GRIA4: variants seen among roughly 807,000 people sequenced by gnomAD.
GRIA4 encodes glutamate ionotropic receptor AMPA type subunit 4, also known as glutamate receptor 4.
GRIA4 carries 34 observed loss-of-function variants against 104.0 expected under a neutral mutation model. That is an observed-to-expected ratio of 0.33 (90% confidence interval 0.25 to 0.44). The LOEUF is 0.44. Ranked by LOEUF, GRIA4 falls within the 20% of genes least tolerant of loss-of-function variation. The probability of loss-of-function intolerance (pLI) is 1.00; values close to 1 mark genes in which losing one functional copy is unlikely to be tolerated. For synonymous variants in GRIA4, 386 were observed against 381.9 expected, an observed-to-expected ratio of 1.01 and a Z score of -0.13; for missense variants, 750 against 1,096.5, an observed-to-expected ratio of 0.68 and a Z score of 4.46.
At chr11:105,708,798 G>A (rs1953802447) in intron 3 of GRIA4, among the ~76,000 whole-genome samples, 1 of 151,842 alleles carries the variant, frequency 6.6e-6, no homozygotes, top group South Asian at 2.1e-4. Flanking sequence ...TCCTGTGTTG[G>A]GTTGAAATAA....
At chr11:105,755,240 A>G (rs1397253702) in intron 4 of GRIA4, among the ~76,000 whole-genome samples, 3 of 152,034 alleles carry the variant, frequency 2.0e-5, no homozygotes, top group Non-Finnish European at 2.9e-5. Flanking sequence ...ACTGCCTTTA[A>G]TCCTCTTGCA....
At chr11:105,890,056 A>C (rs980175304) in intron 6 of GRIA4, among the ~76,000 whole-genome samples, 1 of 152,190 alleles carries the variant, frequency 6.6e-6, no homozygotes, top group African/African-American at 2.4e-5. Flanking sequence ...CAGAATATTT[A>C]AAATATTCTG....
At chr11:105,818,198 C>T (rs1217834752) in intron 4 of GRIA4, among the ~76,000 whole-genome samples, 1 of 151,940 alleles carries the variant, frequency 6.6e-6, no homozygotes, top group African/African-American at 2.4e-5. Flanking sequence ...TAAATTGAGT[C>T]CCAAGTGTTG....
At chr11:105,811,395 C>T (rs1025731829) in intron 4 of GRIA4, among the ~76,000 whole-genome samples, 10 of 152,102 alleles carry the variant, frequency 6.6e-5, no homozygotes, top group Non-Finnish European at 1.2e-4. Context: ...CCCCATCTCC[C>T]ACATTCTTTT....
At chr11:105,704,161 C>G (rs1458510893) in intron 3 of GRIA4, among the ~76,000 whole-genome samples, 1 of 152,026 alleles carries the variant, frequency 6.6e-6, no homozygotes, top group Non-Finnish European at 1.5e-5. Context: ...CCCATTCTCC[C>G]ATGCTGCTTG....
intron 10 of GRIA4, among the ~76,000 whole-genome samples, chr11:105,915,859 G>A (rs1256309622): frequency 1.3e-5 from 2 of 152,084 alleles, no homozygotes; most frequent in African/African-American, 4.8e-5. Flanking sequence ...TCTGATAAAT[G>A]AAATAGCTTC....
At chr11:105,733,387 G>A (rs1035723570) in intron 3 of GRIA4, among the ~76,000 whole-genome samples, 2 of 152,132 alleles carry the variant, frequency 1.3e-5, no homozygotes, top group Non-Finnish European at 2.9e-5. Context: ...ATTGTTGGGA[G>A]ATTTTTGTAT....
chr11:105,794,469 G>GTATATATA (rs1200611859), intron 4 of GRIA4, among the ~76,000 whole-genome samples: 808 of 40,516 alleles, frequency 0.02, 127 homozygotes, highest in South Asian at 0.028. Context: ...GTGTGTATAT[G>GTATATATA]TATGTATATA....
At chr11:105,857,883 C>T (rs895713138) in intron 4 of GRIA4, among the ~76,000 whole-genome samples, 1 of 152,094 alleles carries the variant, frequency 6.6e-6, no homozygotes, top group Non-Finnish European at 1.5e-5. Context: ...TTAAATAACT[C>T]TTGCAAACAA....
chr11:105,904,831 C>A (rs1295473889), intron 8 of GRIA4, among the ~76,000 whole-genome samples: 2 of 152,002 alleles, frequency 1.3e-5, no homozygotes, highest in Admixed American at 1.3e-4. Flanking sequence ...GCATAAGTAT[C>A]AGGGTTATTT....
At chr11:105,942,538 GTATAA>G (rs1948208426) in intron 14 of GRIA4, among the ~76,000 whole-genome samples, 1 of 152,176 alleles carries the variant, frequency 6.6e-6, no homozygotes, top group East Asian at 1.9e-4. Context: ...GGAAGGAACT[GTATAA>G]TACACTTACG....
At position 105,815,056 on chromosome 11, in the gene GRIA4, A is replaced by T. The variant is rs74617656; in HGVS notation, c.488-46968A>T. Among the ~76,000 whole-genome samples the T allele has an allele frequency of 3.8e-3, 581 of 152,284 alleles. 3 individuals are homozygous for T. The highest frequency in any genetic ancestry group is 6.7e-3 in the Non-Finnish European group (453 of 68,014). On this transcript the variant is annotated intron_variant, in intron 4 of 16. Transcript: ENST00000282499. ...AGACTGTTGCTTTCCTAGAGTGGAA[A>T]TGCAGATAAGTTGAGTCTAGGGCTA... is the stretch of plus-strand genomic sequence containing the variant.
rs563514726 is a variant in GRIA4 at position 105,965,121 on chromosome 11, T to G, written c.2295-6793T>G. Among the ~76,000 whole-genome samples, 3 of 152,058 alleles carry G rather than the reference T, an allele frequency of 2.0e-5. No homozygotes were observed. The South Asian group carries it at 6.2e-4, about 32-fold the overall frequency. ...CGCACCTGGCCCATGACACTATTTT[T>G]TAATCCTCCTAAAGAATAGCCAAAA... On this transcript the variant is annotated intron_variant, in intron 14 of 16. Transcript: ENST00000282499.
At chr11:105,919,497 A>T (rs1203805717) in intron 11 of GRIA4, among the ~76,000 whole-genome samples, 1 of 152,188 alleles carries the variant, frequency 6.6e-6, no homozygotes, top group Non-Finnish European at 1.5e-5. Flanking sequence ...ATAATAGTAT[A>T]CATAGCAAAA....
Position 105,910,116 on chromosome 11 carries a change from C to T in GRIA4, c.1159-319C>T, listed in dbSNP as rs1947178457. Among the ~76,000 whole-genome samples, 3 of 152,098 alleles carry T rather than the reference C, an allele frequency of 2.0e-5. No individual in the cohort carries two copies. The South Asian group carries it at 6.2e-4, about 32-fold the overall frequency. ...ATTTAGGGGGCACCAGTCTATCTCA[C>T]TAGAGGAGGGGATCTGCATAAAATA... On this transcript the variant is annotated intron_variant, in intron 9 of 16. Transcript: ENST00000282499.
At position 105,610,983 on chromosome 11, in the gene GRIA4, AGAG is replaced by A. The variant is rs745842480; in HGVS notation, c.-11_-9del. The A allele has an allele frequency of 3.8e-6, 6 of 1,568,730 alleles. No individual in the cohort carries two copies. Among genetic ancestry groups the A allele is most frequent in the African/African-American group, 1.4e-5 (1 of 71,906 alleles). ...GAAAGAGAGAGAGCGCGCGCCAGGGAGAGGAGAAAAGAAGATGAGGATTATTTC... is the reference window on the plus strand; with the variant it reads ...GAAAGAGAGAGAGCGCGCGCCAGGGAGAGAAAAGAAGATGAGGATTATTTC... On this transcript the variant is annotated 5_prime_UTR_variant, in exon 2 of 17. Transcript: ENST00000282499.
chr11:105,896,118 C>T (rs564814382), intron 6 of GRIA4, among the ~76,000 whole-genome samples: 1 of 152,212 alleles, frequency 6.6e-6, no homozygotes, highest in South Asian at 2.1e-4. Context: ...TAAATAATAG[C>T]CATTCTGACT....
At chr11:105,974,518 G>T (rs1858871385) in intron 16 of GRIA4, 74 bp downstream of exon 16, 3 of 1,613,662 alleles carry the variant, frequency 1.9e-6, no homozygotes, top group African/African-American at 1.3e-5. Flanking sequence ...TATAGAGAAG[G>T]TTACAACGTA....
At chr11:105,943,084 C>T (rs1948221406) in intron 14 of GRIA4, among the ~76,000 whole-genome samples, 1 of 152,092 alleles carries the variant, frequency 6.6e-6, no homozygotes, top group Non-Finnish European at 1.5e-5. Flanking sequence ...GTTGCAGACA[C>T]TTAATAAGAC....
Sources: gnomAD v4.1 joint callset for allele counts (sites outside exome capture counted in the v4.1 genomes callset) on GRCh38, gnomAD v4.1.1 for gene constraint, MANE v1.5 for transcripts, NCBI Gene and HGNC (gene_info 2026-07-23, HGNC 2026-07-21) for gene names.